The following NPSR1 variants were observed in gnomAD, a reference collection of about 807,000 sequenced individuals.
The protein encoded by NPSR1 is neuropeptide S receptor 1, also known as neuropeptide S receptor.
A neutral mutation model predicts 46.9 loss-of-function variants in NPSR1; 48 were observed. That is an observed-to-expected ratio of 1.02 (90% CI 0.81 to 1.30). NPSR1 has a LOEUF of 1.30. NPSR1 is among the 50% of genes most tolerant of loss of function. The pLI, the probability that NPSR1 is intolerant of heterozygous loss-of-function variation, is 0.00. For synonymous variants in NPSR1, 176 were observed against 168.1 expected (o/e 1.05, Z -0.36); for missense variants, 450 against 449.5 (o/e 1.00, Z -0.01).
chr7:34,832,436 G>A (rs1401047976), intron 5 of NPSR1, among the ~76,000 whole-genome samples: 1 of 152,124 alleles, frequency 6.6e-6, no homozygotes, highest in Non-Finnish European at 1.5e-5. Context: ...AGGTGGCTGA[G>A]GTGGGAGGTC....
At chr7:34,832,956 A>G (rs1790187255) in intron 5 of NPSR1, among the ~76,000 whole-genome samples, 1 of 152,190 alleles carries the variant, frequency 6.6e-6, no homozygotes, top group African/African-American at 2.4e-5. Flanking sequence ...GCAGGCATAC[A>G]AATTGCAAAA....
intron 5 of NPSR1, among the ~76,000 whole-genome samples, chr7:34,833,110 G>T (rs1746243884): frequency 6.6e-6 from 1 of 152,184 alleles, no homozygotes; most frequent in African/African-American, 2.4e-5. Flanking sequence ...CATTAATTAA[G>T]TTATATTCTA....
At chr7:34,795,499 GCAGA>G (rs1788133524) in intron 3 of NPSR1, among the ~76,000 whole-genome samples, 1 of 152,054 alleles carries the variant, frequency 6.6e-6, no homozygotes, top group African/African-American at 2.4e-5. Context: ...GATTGTCTAT[GCAGA>G]CAATCTAAAA....
chr7:34,832,215 CTGAT>C (rs1790153389), intron 5 of NPSR1, among the ~76,000 whole-genome samples: 2 of 152,160 alleles, frequency 1.3e-5, no homozygotes, highest in African/African-American at 4.8e-5. Flanking sequence ...TATCTGCAAT[CTGAT>C]TGATCAGATA....
chr7:34,825,815 T>C (rs1789804377), intron 4 of NPSR1, among the ~76,000 whole-genome samples: 1 of 152,256 alleles, frequency 6.6e-6, no homozygotes, highest in Middle Eastern at 3.4e-3. Context: ...CCTGGTTCCC[T>C]GTACCCCAGC....
chr7:34,729,854 C>T (rs1784341238), intron 2 of NPSR1, among the ~76,000 whole-genome samples: 2 of 152,290 alleles, frequency 1.3e-5, no homozygotes, highest in East Asian at 1.9e-4. Flanking sequence ...CTCACTGCAA[C>T]CTCCGCCTCC....
At chr7:34,772,680 G>A (rs1005574972) in intron 2 of NPSR1, among the ~76,000 whole-genome samples, 1 of 152,136 alleles carries the variant, frequency 6.6e-6, no homozygotes, top group Non-Finnish European at 1.5e-5. Flanking sequence ...AGCAGGGGCA[G>A]GGCACCCTAG....
intron 4 of NPSR1, among the ~76,000 whole-genome samples, chr7:34,824,704 A>C (rs936417360): frequency 1.4e-5 from 2 of 146,882 alleles, no homozygotes; most frequent in Non-Finnish European, 3.0e-5. Flanking sequence ...TCATCCATCA[A>C]GTGGAAACTT....
intron 3 of NPSR1, among the ~76,000 whole-genome samples, chr7:34,810,633 A>G (rs968267925): frequency 2.0e-5 from 3 of 152,220 alleles, no homozygotes; most frequent in Non-Finnish European, 2.9e-5. Flanking sequence ...CCCACTGATA[A>G]AAAGCAAATG....
chr7:34,680,779 A>G (rs1299043312), intron 1 of NPSR1, among the ~76,000 whole-genome samples: 1 of 152,116 alleles, frequency 6.6e-6, no homozygotes, highest in African/African-American at 2.4e-5. Flanking sequence ...GCATAAAACT[A>G]CTCTATAAAG....
chr7:34,672,649 A>G (rs992175859), intron 1 of NPSR1, among the ~76,000 whole-genome samples: 39 of 152,306 alleles, frequency 2.6e-4, no homozygotes, highest in African/African-American at 9.4e-4. Flanking sequence ...CATGTCCTGG[A>G]GACTAAACTA....
chr7:34,771,982 G>A (rs73325768), intron 2 of NPSR1, among the ~76,000 whole-genome samples: 6 of 152,190 alleles, frequency 3.9e-5, no homozygotes, highest in Non-Finnish European at 8.8e-5. Flanking sequence ...CTAGAGTTAT[G>A]TAGGATGTCA....
At chr7:34,792,534 T>C (rs528550418) in intron 3 of NPSR1, among the ~76,000 whole-genome samples, 2 of 139,672 alleles carry the variant, frequency 1.4e-5, no homozygotes, top group African/African-American at 5.5e-5. Flanking sequence ...TATATGTACA[T>C]ATATACACAC....
chr7:34,824,979 T>C (rs535726789), intron 4 of NPSR1, among the ~76,000 whole-genome samples: 1 of 152,230 alleles, frequency 6.6e-6, no homozygotes, highest in South Asian at 2.1e-4. Context: ...TTTTTCTCTG[T>C]TCCTTTAGGG....
chr7:34,790,931 GTTATA>G (rs1366582610), intron 3 of NPSR1, among the ~76,000 whole-genome samples: 6 of 125,166 alleles, frequency 4.8e-5, no homozygotes, highest in South Asian at 2.4e-4. Flanking sequence ...TATGTTATAT[GTTATA>G]TTATATATCA....
chr7:34,823,533 G>T (rs1358308981), intron 4 of NPSR1, among the ~76,000 whole-genome samples: 1 of 151,474 alleles, frequency 6.6e-6, no homozygotes, highest in Non-Finnish European at 1.5e-5. Flanking sequence ...AAGATTAAAA[G>T]GAAGAATTAT....
intron 3 of NPSR1, among the ~76,000 whole-genome samples, chr7:34,782,063 A>G (rs1357689843): frequency 6.6e-6 from 1 of 152,152 alleles, no homozygotes; most frequent in African/African-American, 2.4e-5. Context: ...CAGCCATAGA[A>G]AGCTACGCCT....
intron 2 of NPSR1, among the ~76,000 whole-genome samples, chr7:34,769,687 T>C (rs900627563): frequency 2.0e-5 from 3 of 152,228 alleles, no homozygotes; most frequent in Non-Finnish European, 2.9e-5. Context: ...AGCTCAGCTA[T>C]TGCCCCATTC....
chr7:34,807,057 G>A (rs1001254273), intron 3 of NPSR1, among the ~76,000 whole-genome samples: 1 of 152,084 alleles, frequency 6.6e-6, no homozygotes, highest in Admixed American at 6.5e-5. Flanking sequence ...TTGTTGATGT[G>A]TAGAGTTTTC....
Sources: allele counts gnomAD v4.1 joint callset (sites outside exome capture counted in the v4.1 genomes callset), GRCh38; gene constraint gnomAD v4.1.1; transcripts MANE v1.5; gene names NCBI Gene and HGNC (gene_info 2026-07-23, HGNC 2026-07-21).